Variants in FRK observed in about 807,000 individuals in gnomAD.
FRK encodes tyrosine-protein kinase FRK.
FRK carries 51 observed loss-of-function variants against 56.4 expected under a neutral mutation model. The observed-to-expected ratio is 0.90, with a 90% CI of 0.72 to 1.14. The LOEUF is 1.14. Among genes scored for constraint, FRK ranks in the 50% most tolerant of loss-of-function variants. The pLI, the probability that FRK is intolerant of heterozygous loss-of-function variation, is 0.00. For synonymous variants in FRK, 245 were observed against 217.9 expected (o/e 1.12, Z -1.10); for missense variants, 570 against 601.4 (o/e 0.95, Z 0.55).
chr6:116,065,528 T>C (rs992920851), upstream of FRK, among the ~76,000 whole-genome samples: 2 of 152,218 alleles, frequency 1.3e-5, no homozygotes, highest in African/African-American at 2.4e-5. Context: ...CCCCAACTTC[T>C]CTCCCTTTTC....
intron 1 of FRK, among the ~76,000 whole-genome samples, chr6:116,029,132 C>G (rs774483062): frequency 2.0e-5 from 3 of 152,138 alleles, no homozygotes; most frequent in South Asian, 4.1e-4. Flanking sequence ...TCACTAGATC[C>G]TTCAATTCAC....
the FRK span, among the ~76,000 whole-genome samples, chr6:116,067,306 C>T: frequency 6.6e-6 from 1 of 152,166 alleles, no homozygotes; most frequent in Non-Finnish European, 1.5e-5. Context: ...TTGCTTTAGG[C>T]CACTCAGTCT....
the FRK span, among the ~76,000 whole-genome samples, chr6:116,076,725 C>A: frequency 1.3e-5 from 2 of 152,286 alleles, no homozygotes; most frequent in Admixed American, 1.3e-4. Context: ...TAAGGTGGTG[C>A]AGTGAGCTGG....
chr6:115,947,459 C>T (rs532055678), intron 5 of FRK, among the ~76,000 whole-genome samples: 16 of 152,052 alleles, frequency 1.1e-4, no homozygotes, highest in South Asian at 2.1e-4. Context: ...TCCCTGAGCA[C>T]GCACAGAAGA....
At chr6:115,960,336 C>A (rs1469511962) in intron 4 of FRK, among the ~76,000 whole-genome samples, 2 of 151,516 alleles carry the variant, frequency 1.3e-5, no homozygotes, top group East Asian at 2.0e-4. Flanking sequence ...GCTTTTCAGA[C>A]CGGCTTAAAA....
chr6:115,979,171 C>T (rs1405062505), intron 2 of FRK, among the ~76,000 whole-genome samples: 1 of 151,976 alleles, frequency 6.6e-6, no homozygotes, highest in African/African-American at 2.4e-5. Context: ...CAGAAGAAAG[C>T]ACTTTTATCA....
At chr6:115,984,609 A>G (rs1036828730) in intron 2 of FRK, among the ~76,000 whole-genome samples, 4 of 152,046 alleles carry the variant, frequency 2.6e-5, no homozygotes, top group African/African-American at 9.7e-5. Context: ...TACAGAAGTA[A>G]GTCCCAAGCA....
chr6:116,062,119 C>G (rs1217101724), upstream of FRK, among the ~76,000 whole-genome samples: 2 of 152,062 alleles, frequency 1.3e-5, no homozygotes, highest in African/African-American at 4.8e-5. Context: ...GTGGACAGAT[C>G]AATTGGTTAA....
At chr6:115,942,716 T>G in intron 7 of FRK, 91 bp from the exon 8 acceptor site, 1 of 1,102,984 alleles carries the variant, frequency 9.1e-7, no homozygotes. Context: ...TCTAGGTTAC[T>G]AAGTAAGTCA....
At chr6:115,978,676 G>A (rs1022997022) in intron 2 of FRK, among the ~76,000 whole-genome samples, 2 of 152,122 alleles carry the variant, frequency 1.3e-5, no homozygotes, top group East Asian at 1.9e-4. Context: ...AGATTATAGT[G>A]GAGCTGAAAA....
At chr6:115,949,235 G>T (rs928906285) in intron 5 of FRK, among the ~76,000 whole-genome samples, 1 of 150,376 alleles carries the variant, frequency 6.6e-6, no homozygotes, top group Non-Finnish European at 1.5e-5. Context: ...TACAAATAGC[G>T]ATAATATGAC....
chr6:115,958,708 A>T (rs9481603), intron 4 of FRK, among the ~76,000 whole-genome samples: 159 of 12,372 alleles, frequency 0.013, 13 homozygotes, highest in African/African-American at 0.049. Context: ...AAGAAAGAAG[A>T]AAGAAAGAAA....
At chr6:116,022,658 C>T (rs1775919839) in intron 1 of FRK, among the ~76,000 whole-genome samples, 1 of 152,122 alleles carries the variant, frequency 6.6e-6, no homozygotes, top group African/African-American at 2.4e-5. Context: ...AGAAAACTTT[C>T]TCATTCTGAA....
intron 1 of FRK, among the ~76,000 whole-genome samples, chr6:116,022,789 C>T (rs117843484): frequency 3.7e-3 from 568 of 152,162 alleles, no homozygotes; most frequent in Admixed American, 6.8e-3. Flanking sequence ...TAGATTCAGG[C>T]AACTTAATTA....
intron 2 of FRK, among the ~76,000 whole-genome samples, chr6:115,976,437 G>T (rs926984558): frequency 1.3e-5 from 2 of 152,152 alleles, no homozygotes; most frequent in Non-Finnish European, 2.9e-5. Context: ...CAGAGGCTGT[G>T]TCTGCAAGAC....
intron 5 of FRK, among the ~76,000 whole-genome samples, chr6:115,949,834 A>G (rs1349113428): frequency 6.6e-6 from 1 of 151,252 alleles, no homozygotes; most frequent in Non-Finnish European, 1.5e-5. Context: ...CAAAACAGAT[A>G]TCTAGACCAA....
In FRK at chr6:115,940,446, A is replaced by G. The variant is rs1772135308; in HGVS notation, c.*1968T>C. On this transcript the variant is annotated 3_prime_UTR_variant, in exon 8 of 8. Transcript: ENST00000606080. ...AAAGACATCATGACTAAAACACAAAAACCAATGGCAACAAAAGCCCAAATT... is the reference window on the plus strand; with the variant it reads ...AAAGACATCATGACTAAAACACAAAGACCAATGGCAACAAAAGCCCAAATT... The G allele has an allele frequency of 6.6e-6, 1 of 152,232 alleles. No individual in the cohort carries two copies. Among genetic ancestry groups the G allele is most frequent in the African/African-American group, 2.4e-5 (1 of 41,462 alleles). The allele number at this position is 152,232 out of a possible 1,614,324, so 9.4% of individuals were successfully genotyped here.
At chr6:116,067,622 A>G in the FRK span, among the ~76,000 whole-genome samples, 1 of 152,206 alleles carries the variant, frequency 6.6e-6, no homozygotes, top group African/African-American at 2.4e-5. Flanking sequence ...AAATAATATC[A>G]CTACAAATGC....
At chr6:116,026,977 T>A (rs1776117811) in intron 1 of FRK, among the ~76,000 whole-genome samples, 1 of 152,166 alleles carries the variant, frequency 6.6e-6, no homozygotes, top group Admixed American at 6.6e-5. Flanking sequence ...GGCTATTGCT[T>A]TATGTATAAC....
Sources: gnomAD v4.1 joint callset for allele counts (sites outside exome capture counted in the v4.1 genomes callset) on GRCh38, gnomAD v4.1.1 for gene constraint, MANE v1.5 for transcripts, NCBI Gene and HGNC (gene_info 2026-07-23, HGNC 2026-07-21) for gene names.